Variants in SEMA5B observed in about 807,000 individuals in gnomAD.
The protein encoded by SEMA5B is semaphorin 5B.
SEMA5B carries 66 observed loss-of-function variants against 135.0 expected under a neutral mutation model. The ratio of observed to expected loss-of-function variants is 0.49; its 90% confidence interval spans 0.40 to 0.60. The LOEUF (loss-of-function observed/expected upper bound fraction) is 0.60. Ranked by LOEUF, SEMA5B falls within the 20% of genes least tolerant of loss-of-function variation. The pLI is 0.00. For missense variants in SEMA5B, 1,501 were observed against 1,566.3 expected (o/e 0.96, Z 0.70); for synonymous variants, 690 against 639.5 (o/e 1.08, Z -1.19).
At chr3:122,943,232 C>T (rs1199519647) in intron 4 of SEMA5B, among the ~76,000 whole-genome samples, 1 of 152,140 alleles carries the variant, frequency 6.6e-6, no homozygotes, top group South Asian at 2.1e-4. Context: ...GCTGAGATTG[C>T]GAGGTCAAGA....
At chr3:122,918,854 A>G (rs1170108447) in intron 12 of SEMA5B, among the ~76,000 whole-genome samples, 2 of 152,228 alleles carry the variant, frequency 1.3e-5, no homozygotes, top group Non-Finnish European at 2.9e-5. Flanking sequence ...TTCAAAGCTT[A>G]CAGAGCAGGG....
intron 1 of SEMA5B, among the ~76,000 whole-genome samples, chr3:122,982,553 G>T (rs903066956): frequency 1.3e-5 from 2 of 152,056 alleles, no homozygotes; most frequent in Admixed American, 6.5e-5. Flanking sequence ...AATTGACTAC[G>T]GTTGGCAAAA....
At position 122,952,735 on chromosome 3, in the gene SEMA5B, C is replaced by T. The variant is rs151209305; in HGVS notation, c.125-4026G>A. On this transcript the variant is annotated intron_variant, in intron 2 of 22. Coordinates refer to ENST00000357599, the MANE Select transcript of SEMA5B (RefSeq NM_001031702.4). ...CCTGGCTCTCCTCCTCCCTGCTCTG[C>T]GCCAGCAGGGAGGTGGATGGATGTG... Among the ~76,000 whole-genome samples, 20 of 152,286 alleles carry T rather than the reference C, an allele frequency of 1.3e-4. No homozygotes were observed. The East Asian group carries it at 3.1e-3, about 24-fold the overall frequency.
At chr3:122,998,448 A>G (rs1305770176) in intron 1 of SEMA5B, among the ~76,000 whole-genome samples, 1 of 152,186 alleles carries the variant, frequency 6.6e-6, no homozygotes, top group Admixed American at 6.5e-5. Context: ...TAAATGGGGA[A>G]GATAAAAGTT....
chr3:122,914,942 A>C lies in SEMA5B; in HGVS notation c.1988+498T>G, dbSNP rs143907610. Among the ~76,000 whole-genome samples, 1,045 of 141,524 alleles carry C rather than the reference A, an allele frequency of 7.4e-3. 4 individuals are homozygous for C. Among genetic ancestry groups the C allele is most frequent in the Middle Eastern group, 0.014 (4 of 286 alleles). 92.8% of individuals were successfully genotyped at this position (141,524 alleles called of 152,430 possible). On this transcript the variant is annotated intron_variant, in intron 14 of 22. Coordinates refer to ENST00000357599, the MANE Select transcript of SEMA5B (RefSeq NM_001031702.4). ...AGAAAAAGTGTCTAATGGAGTCCCC[A>C]GGTACCAGGCACTGTGCAAGCTCTG... is the stretch of plus-strand genomic sequence containing the variant.
At chr3:122,945,787 G>A (rs1939763492) in intron 3 of SEMA5B, among the ~76,000 whole-genome samples, 1 of 110,496 alleles carries the variant, frequency 9.1e-6, no homozygotes, top group Non-Finnish European at 1.7e-5. Flanking sequence ...GGGAGGAGGG[G>A]AAAAGAAGAG....
At position 122,913,281 on chromosome 3, in the gene SEMA5B, G is replaced by A; in HGVS notation, c.2424C>T (p.Asp808=). The change falls in exon 17 of 23, where the codon GAC becomes GAT. Residue 808 remains aspartate (D), a synonymous_variant. Coordinates refer to ENST00000357599, the MANE Select transcript of SEMA5B (RefSeq NM_001031702.4). ...FRFTCRAPLA[D]PHGLQFGRRR... ...TCCTGCCGAACTGCAGGCCGTGCGGGTCTGCAAGGGGCGCGCGGCAGGTGA... is the reference window on the plus strand; with the variant it reads ...TCCTGCCGAACTGCAGGCCGTGCGGATCTGCAAGGGGCGCGCGGCAGGTGA... The A allele has an allele frequency of 1.3e-6, 2 of 1,584,132 alleles. No homozygotes were observed. Among genetic ancestry groups the A allele is most frequent in the Non-Finnish European group, 1.7e-6 (2 of 1,173,676 alleles).
chr3:122,928,799 C>T (rs1019223393), intron 6 of SEMA5B, among the ~76,000 whole-genome samples, 184 bp from the exon 7 acceptor site: 25 of 152,244 alleles, frequency 1.6e-4, no homozygotes, highest in Non-Finnish European at 3.2e-4. Flanking sequence ...GGTCATTTCT[C>T]CGCATCACTG....
chr3:122,963,499 A>AAAAAAAAAG (rs764959695), intron 1 of SEMA5B, among the ~76,000 whole-genome samples: 10 of 151,530 alleles, frequency 6.6e-5, no homozygotes, highest in African/African-American at 2.4e-4. Flanking sequence ...ACTCAAAAAA[A>AAAAAAAAAG]AAAAAGAAAA....
At chr3:123,009,096 C>T (rs1576406983) in intron 1 of SEMA5B, among the ~76,000 whole-genome samples, 1 of 152,170 alleles carries the variant, frequency 6.6e-6, no homozygotes, top group Non-Finnish European at 1.5e-5. Flanking sequence ...CGTGGCAGGG[C>T]AATTTCTTTA....
intron 1 of SEMA5B, among the ~76,000 whole-genome samples, chr3:122,994,247 G>A (rs1240238583): frequency 6.6e-6 from 1 of 152,046 alleles, no homozygotes. Flanking sequence ...AGTATAGTGG[G>A]GAGTAGAGGA....
intron 1 of SEMA5B, among the ~76,000 whole-genome samples, chr3:122,977,653 G>A (rs976055012): frequency 1.3e-5 from 2 of 152,130 alleles, no homozygotes; most frequent in South Asian, 2.1e-4. Flanking sequence ...CCAGAATAAT[G>A]TCTGACCAAA....
intron 1 of SEMA5B, among the ~76,000 whole-genome samples, chr3:123,014,056 G>C (rs191097485): frequency 2.4e-4 from 37 of 152,314 alleles, no homozygotes; most frequent in Non-Finnish European, 5.0e-4. Flanking sequence ...CCACTTGGCC[G>C]GGACACACAT....
intron 1 of SEMA5B, among the ~76,000 whole-genome samples, chr3:123,025,624 G>A (rs1942780101): frequency 6.6e-6 from 1 of 152,246 alleles, no homozygotes; most frequent in South Asian, 2.1e-4. Context: ...TTCCCAAACT[G>A]GTGGTGATAG....
Position 122,929,077 on chromosome 3 carries a change from A to C in SEMA5B, c.475-19T>G, listed in dbSNP as rs1459555441. On this transcript the variant is annotated intron_variant, in intron 5 of 22. Transcript: ENST00000357599. ...CTGTGGCCTGGGGGAGGAACATAGGAGCACACAGACATCACATGGCTGTGT... is the reference window on the plus strand; with the variant it reads ...CTGTGGCCTGGGGGAGGAACATAGGCGCACACAGACATCACATGGCTGTGT... 1.2e-6 allele frequency: 2 copies of C among 1,609,188 alleles called. No homozygotes were observed. Among genetic ancestry groups the C allele is most frequent in the Admixed American group, 1.7e-5 (1 of 59,994 alleles).
intron 1 of SEMA5B, among the ~76,000 whole-genome samples, chr3:123,024,491 A>G: frequency 6.6e-6 from 1 of 152,202 alleles, no homozygotes; most frequent in Non-Finnish European, 1.5e-5. Flanking sequence ...CACCCACTGG[A>G]TTCCCAGTGG....
intron 2 of SEMA5B, among the ~76,000 whole-genome samples, chr3:122,949,132 T>C (rs1361631461): frequency 6.6e-6 from 1 of 152,080 alleles, no homozygotes; most frequent in Non-Finnish European, 1.5e-5. Context: ...ATAACAATCA[T>C]AAAAATACTA....
rs1938851150 is a variant in SEMA5B, at chr3:122,929,627, A to T, written c.475-569T>A. On this transcript the variant is annotated intron_variant, in intron 5 of 22. Transcript: ENST00000357599. ...TCGTGTAGAGCAGGGACTGGAACCC[A>T]CATTTCTGATTCCAAAGGTTATGTG... Among the ~76,000 whole-genome samples the T allele has an allele frequency of 2.0e-5, 3 of 152,056 alleles. No individual in the cohort carries two copies. The South Asian group carries it at 6.2e-4, about 32-fold the overall frequency.
At chr3:122,917,786 T>C (rs1938144756) in intron 12 of SEMA5B, among the ~76,000 whole-genome samples, 1 of 152,214 alleles carries the variant, frequency 6.6e-6, no homozygotes, top group Non-Finnish European at 1.5e-5. Context: ...AAGGACAATT[T>C]GGGTAAATTG....
Sources: gnomAD v4.1 joint callset for allele counts (sites outside exome capture counted in the v4.1 genomes callset) on GRCh38, gnomAD v4.1.1 for gene constraint, MANE v1.5 for transcripts, NCBI Gene and HGNC (gene_info 2026-07-23, HGNC 2026-07-21) for gene names.